The following GALNTL6 variants were observed in gnomAD, a reference collection of about 807,000 sequenced individuals.
The protein encoded by GALNTL6 is polypeptide N-acetylgalactosaminyltransferase-like 6.
A neutral mutation model predicts 73.7 loss-of-function variants in GALNTL6; 46 were observed. The ratio of observed to expected loss-of-function variants is 0.62; its 90% CI spans 0.49 to 0.80. The LOEUF is 0.80. Among genes scored for constraint, GALNTL6 ranks in the 30% least tolerant of loss-of-function variants. The probability of loss-of-function intolerance (pLI) is 0.00; values close to 1 mark genes in which losing one functional copy is unlikely to be tolerated. For synonymous variants in GALNTL6, 259 were observed against 263.7 expected, an observed-to-expected ratio of 0.98 and a Z score of 0.17; for missense variants, 604 against 755.0, an observed-to-expected ratio of 0.80 and a Z score of 2.34.
chr4:172,816,054 G>A (rs960632675), intron 7 of GALNTL6, among the ~76,000 whole-genome samples: 1 of 152,184 alleles, frequency 6.6e-6, no homozygotes, highest in Non-Finnish European at 1.5e-5. Flanking sequence ...TTCTCTAGCT[G>A]TAAAGCTTTA....
rs200854509 is a variant in GALNTL6 at position 172,168,270 on chromosome 4, GTTTGTTTTGT to G, written c.139-61367_139-61358del. ...CAAGATGGTCTTGCTAAAGTTTTTTGTTTGTTTTGTTTTGTTTTGTTTTGTTTTTTGAGAA... is the reference window on the plus strand; with the variant it reads ...CAAGATGGTCTTGCTAAAGTTTTTTGTTTGTTTTGTTTTGTTTTTTGAGAA... On this transcript the variant is annotated intron_variant, in intron 2 of 12. Coordinates refer to ENST00000506823, the MANE Select transcript of GALNTL6 (RefSeq NM_001034845.3). 8.0e-3 allele frequency among the ~76,000 whole-genome samples: 1,213 copies of G among 151,968 alleles called. 16 individuals are homozygous for G. Among genetic ancestry groups the G allele is most frequent in the African/African-American group, 0.028 (1,152 of 41,496 alleles).
intron 5 of GALNTL6, among the ~76,000 whole-genome samples, chr4:172,651,619 A>G (rs1308270859): frequency 2.6e-5 from 4 of 152,220 alleles, no homozygotes; most frequent in African/African-American, 9.6e-5. Context: ...ATTTCATCAT[A>G]TATAACAAAC....
In GALNTL6 at chr4:172,858,603, G is replaced by A. The variant is rs1226830766; in HGVS notation, c.924-24187G>A. ...TCAGCATTTTGGGAGGCCGAGGTGG[G>A]TGGATCACTTGAGGTCAAGAGTTCA... On this transcript the variant is annotated intron_variant, in intron 7 of 12. Transcript: ENST00000506823. 2.0e-5 allele frequency among the ~76,000 whole-genome samples: 3 copies of A among 152,126 alleles called. No homozygotes were observed. The East Asian group carries it at 5.8e-4, about 29-fold the overall frequency.
intron 5 of GALNTL6, among the ~76,000 whole-genome samples, chr4:172,761,483 T>C (rs1230622183): frequency 2.6e-5 from 4 of 152,212 alleles, no homozygotes; most frequent in Admixed American, 6.5e-5. Context: ...ATGTTTGATA[T>C]AGTTTGGTTC....
At chr4:172,163,393 TA>T in intron 2 of GALNTL6, among the ~76,000 whole-genome samples, 1 of 152,012 alleles carries the variant, frequency 6.6e-6, no homozygotes, top group Non-Finnish European at 1.5e-5. Context: ...CAAACATAGA[TA>T]ACTCTGTAAA....
At chr4:172,158,432 A>G (rs1002594991) in intron 2 of GALNTL6, among the ~76,000 whole-genome samples, 7 of 152,004 alleles carry the variant, frequency 4.6e-5, no homozygotes, top group African/African-American at 1.7e-4. Flanking sequence ...AAAAACAGCT[A>G]GCAAACTTTT....
At chr4:172,645,759 A>T (rs1247246851) in intron 5 of GALNTL6, among the ~76,000 whole-genome samples, 1 of 152,032 alleles carries the variant, frequency 6.6e-6, no homozygotes, top group African/African-American at 2.4e-5. Context: ...CTTAGGTTTG[A>T]TGAAGAGATG....
intron 5 of GALNTL6, among the ~76,000 whole-genome samples, chr4:172,808,754 G>A (rs1237402438): frequency 4.6e-5 from 7 of 150,596 alleles, no homozygotes; most frequent in East Asian, 2.0e-4. Flanking sequence ...AAATATTTCC[G>A]AATCTTTAAT....
At chr4:171,825,761 G>A (rs11132916) in intron 2 of GALNTL6, among the ~76,000 whole-genome samples, 1 of 151,930 alleles carries the variant, frequency 6.6e-6, no homozygotes, top group African/African-American at 2.4e-5. Context: ...GTTTCACATA[G>A]GGACTGATTG....
intron 2 of GALNTL6, among the ~76,000 whole-genome samples, chr4:171,870,232 G>A (rs571319990): frequency 6.6e-6 from 1 of 152,226 alleles, no homozygotes; most frequent in Admixed American, 6.5e-5. Flanking sequence ...CTAACTTCAG[G>A]TTAATGGTAT....
chr4:172,587,149 C>T (rs151171724), intron 5 of GALNTL6, among the ~76,000 whole-genome samples: 188 of 152,078 alleles, frequency 1.2e-3, no homozygotes, highest in African/African-American at 4.2e-3. Context: ...AAAAAATGTA[C>T]GATCCCCTGT....
chr4:172,748,989 A>G (rs1178618287), intron 5 of GALNTL6, among the ~76,000 whole-genome samples: 5 of 151,894 alleles, frequency 3.3e-5, no homozygotes, highest in Non-Finnish European at 7.4e-5. Context: ...GGCTCACTGC[A>G]GTCTCTATAT....
At chr4:172,176,337 C>CAGAAAAAAAAAAAAAAAAAAAAAAA (rs1734996005) in intron 2 of GALNTL6, among the ~76,000 whole-genome samples, 1 of 31,362 alleles carries the variant, frequency 3.2e-5, no homozygotes, top group African/African-American at 1.4e-4. Context: ...GACTCCGTCT[C>CAGAAAAAAAAAAAAAAAAAAAAAAA]AAAAAAAAAA....
intron 5 of GALNTL6, among the ~76,000 whole-genome samples, chr4:172,414,280 A>G (rs1054406766): frequency 6.6e-6 from 1 of 152,110 alleles, no homozygotes; most frequent in Non-Finnish European, 1.5e-5. Flanking sequence ...AGGTGATGCT[A>G]TCTTTGCTGC....
Position 172,311,599 on chromosome 4 carries a change from G to T in GALNTL6, c.248-15G>T, listed in dbSNP as rs368378395. The T allele has an allele frequency of 7.9e-5, 126 of 1,588,398 alleles. No individual in the cohort carries two copies. The African/African-American group carries it at 1.5e-3, about 19-fold the overall frequency. ...TTTATAGAGATGATAATCTCATTTT[G>T]TTTTCTCCTGCTAGGGAAAGGTGAA... is the stretch of plus-strand genomic sequence containing the variant. On this transcript the variant is annotated splice_polypyrimidine_tract_variant and intron_variant, in intron 3 of 12. Coordinates refer to ENST00000506823, the MANE Select transcript of GALNTL6 (RefSeq NM_001034845.3).
At chr4:172,725,674 A>G (rs1735753935) in intron 5 of GALNTL6, among the ~76,000 whole-genome samples, 1 of 152,182 alleles carries the variant, frequency 6.6e-6, no homozygotes, top group African/African-American at 2.4e-5. Context: ...TTCTTGACAA[A>G]TGTTTAACAA....
At chr4:172,471,555 C>A (rs575608691) in intron 5 of GALNTL6, among the ~76,000 whole-genome samples, 1 of 151,820 alleles carries the variant, frequency 6.6e-6, no homozygotes, top group South Asian at 2.1e-4. Context: ...TTAGCTATTG[C>A]CCTTTCTTCT....
intron 10 of GALNTL6, among the ~76,000 whole-genome samples, chr4:172,964,586 A>T (rs958730786): frequency 1.3e-5 from 2 of 152,198 alleles, no homozygotes; most frequent in Admixed American, 1.3e-4. Context: ...AACATTCACA[A>T]AGACAGGCAC....
intron 2 of GALNTL6, among the ~76,000 whole-genome samples, chr4:172,164,954 A>G (rs973556788): frequency 6.6e-6 from 1 of 152,102 alleles, no homozygotes; most frequent in African/African-American, 2.4e-5. Flanking sequence ...ATTAATTAAT[A>G]TTCAGGTGCT....
Sources: gnomAD v4.1 joint callset for allele counts (sites outside exome capture counted in the v4.1 genomes callset) on GRCh38, gnomAD v4.1.1 for gene constraint, MANE v1.5 for transcripts, NCBI Gene and HGNC (gene_info 2026-07-23, HGNC 2026-07-21) for gene names.